The following CFAP100 variants were observed in gnomAD, a reference collection of about 807,000 sequenced individuals.
CFAP100 encodes cilia and flagella associated protein 100.
Under a neutral mutation model 81.5 loss-of-function variants are expected in CFAP100, and 70 were observed. The ratio of observed to expected loss-of-function variants is 0.86; its 90% confidence interval spans 0.71 to 1.05. The LOEUF (loss-of-function observed/expected upper bound fraction) is 1.05. Among genes scored for constraint, CFAP100 ranks in the 50% least tolerant of loss-of-function variants. CFAP100 has a pLI of 0.00. For missense variants in CFAP100, 811 were observed against 776.5 expected (o/e 1.04, Z -0.53); for synonymous variants, 341 against 314.8 (o/e 1.08, Z -0.88).
chr3:126,424,307 G>A (rs1486907393), intron 13 of CFAP100, among the ~76,000 whole-genome samples: 4 of 152,254 alleles, frequency 2.6e-5, no homozygotes. Flanking sequence ...GGCCACCCAG[G>A]ACTGGGGCCT....
At chr3:126,418,876 A>T in intron 7 of CFAP100, 102 bp downstream of exon 7, 1 of 1,386,740 alleles carries the variant, frequency 7.2e-7, no homozygotes, top group Non-Finnish European at 9.7e-7. Context: ...CAGCCCCTGC[A>T]ACTCCTCTGG....
chr3:126,426,090 T>C (rs1195717961), intron 13 of CFAP100, among the ~76,000 whole-genome samples: 1 of 152,204 alleles, frequency 6.6e-6, no homozygotes, highest in Non-Finnish European at 1.5e-5. Context: ...ATAAAATGTA[T>C]ATAGATTGGA....
intron 13 of CFAP100, among the ~76,000 whole-genome samples, chr3:126,425,267 G>A (rs751268255): frequency 6.6e-6 from 1 of 152,192 alleles, no homozygotes; most frequent in Non-Finnish European, 1.5e-5. Context: ...CCCATACTTT[G>A]TTTCCAGGGG....
chr3:126,396,645 C>A (rs1040193697), intron 2 of CFAP100: 1 of 152,576 alleles, frequency 6.6e-6, no homozygotes, highest in East Asian at 1.9e-4. Flanking sequence ...ACAGTTCAAC[C>A]CACAACAGAC....
intron 13 of CFAP100, chr3:126,432,821 TTG>T (rs773097187): frequency 4.6e-5 from 17 of 373,050 alleles, no homozygotes; most frequent in Admixed American, 2.6e-4. Context: ...GCTAATTTTA[TTG>T]TCTGTGAATT....
chr3:126,418,793 G>A lies in CFAP100; in HGVS notation c.650+19G>A, dbSNP rs1305073143. 2 of 1,559,116 alleles carry A rather than the reference G, an allele frequency of 1.3e-6. No individual in the cohort carries two copies. The highest frequency in any genetic ancestry group is 1.4e-5 in the African/African-American group (1 of 72,842). On this transcript the variant is annotated intron_variant, in intron 7 of 16. Coordinates refer to ENST00000352312, the MANE Select transcript of CFAP100 (RefSeq NM_182628.3). ...TGAGAGCGTGAGCCTGCGGGCCCGA[G>A]GGGCTGGCTGGGCAATGCCGAACCC...
rs139471287 is a variant in CFAP100 at position 126,435,475 on chromosome 3, C to T, written c.1629-84C>T. 5.2e-3 allele frequency: 5,862 copies of T among 1,127,834 alleles called. 20 individuals are homozygous for T. The highest frequency in any genetic ancestry group is 6.3e-3 in the Non-Finnish European group (4,954 of 787,294). 69.9% of individuals were successfully genotyped at this position (1,127,834 alleles called of 1,614,324 possible). A position where few individuals can be genotyped will look rare whatever the true frequency, so the allele number is the denominator to read the frequency against. On this transcript the variant is annotated intron_variant, in intron 15 of 16. Transcript: ENST00000352312. The stretch of plus-strand genomic sequence containing the variant: ...CTGGGAGTTTTCTTGAGGGAGGACA[C>T]GGCCTGGCCTGGGGACTCCGTGTGG...
chr3:126,422,273 C>G (rs1209651310), intron 11 of CFAP100, among the ~76,000 whole-genome samples: 3 of 152,236 alleles, frequency 2.0e-5, no homozygotes, highest in Non-Finnish European at 2.9e-5. Flanking sequence ...GCAGCCGGCT[C>G]TCTCATCTGT....
intron 13 of CFAP100, 28 bp downstream of exon 13, chr3:126,423,672 G>T: frequency 1.2e-6 from 2 of 1,612,092 alleles, no homozygotes; most frequent in Non-Finnish European, 1.7e-6. Context: ...GCCAGTGGGG[G>T]CTCCCTGCCG....
chr3:126,427,836 T>C (rs559551513), intron 13 of CFAP100, among the ~76,000 whole-genome samples: 1 of 152,334 alleles, frequency 6.6e-6, no homozygotes, highest in Admixed American at 6.5e-5. Context: ...TGGCAGCTGC[T>C]CAGGTTCTGG....
chr3:126,418,886 G>T, intron 7 of CFAP100, 112 bp downstream of exon 7: 1 of 1,336,766 alleles, frequency 7.5e-7, no homozygotes, highest in Non-Finnish European at 1.0e-6. Context: ...AACTCCTCTG[G>T]AAGCACCAGG....
At chr3:126,432,864 A>C (rs1933286102) in intron 13 of CFAP100, 1 of 449,294 alleles carries the variant, frequency 2.2e-6, no homozygotes, top group Admixed American at 4.0e-5. Flanking sequence ...ATTTTCTTTA[A>C]TGTTGATTGT....
intron 3 of CFAP100, among the ~76,000 whole-genome samples, chr3:126,409,138 G>T (rs761258037): frequency 6.6e-6 from 1 of 152,120 alleles, no homozygotes; most frequent in Non-Finnish European, 1.5e-5. Flanking sequence ...TCCACCCTAT[G>T]AAGATCTAGA....
chr3:126,403,646 G>A lies in CFAP100; in HGVS notation c.50-3526G>A, dbSNP rs149442350. On this transcript the variant is annotated intron_variant, in intron 2 of 16. Coordinates refer to ENST00000352312, the MANE Select transcript of CFAP100 (RefSeq NM_182628.3). ...GATCCACCTTCCTCGGCCTCCCAAAGTGCTGGGATTACAGGCGTAAACCAC... is the reference window on the plus strand; with the variant it reads ...GATCCACCTTCCTCGGCCTCCCAAAATGCTGGGATTACAGGCGTAAACCAC... Among the ~76,000 whole-genome samples, 831 of 152,172 alleles carry A rather than the reference G, an allele frequency of 5.5e-3. 8 individuals are homozygous for A. Among genetic ancestry groups the A allele is most frequent in the Middle Eastern group, 0.02 (6 of 294 alleles).
intron 9 of CFAP100, 26 bp from the exon 10 acceptor site, chr3:126,419,954 C>T (rs762452330): frequency 3.3e-5 from 53 of 1,612,690 alleles, no homozygotes; most frequent in Middle Eastern, 1.7e-4. Flanking sequence ...CTGAGGCCAT[C>T]GGGGCCCCCC....
At chr3:126,426,494 G>A (rs1051970190) in intron 13 of CFAP100, among the ~76,000 whole-genome samples, 1 of 151,272 alleles carries the variant, frequency 6.6e-6, no homozygotes, top group East Asian at 1.9e-4. Flanking sequence ...GCTCATGCCT[G>A]TAATCCCAGC....
chr3:126,429,097 C>T (rs868158714), intron 13 of CFAP100, among the ~76,000 whole-genome samples: 16 of 118,056 alleles, frequency 1.4e-4, no homozygotes, highest in Admixed American at 4.2e-4. Flanking sequence ...TGATAGAGTG[C>T]GTCTCCATCC....
rs1347547118 is a variant in CFAP100 at position 126,414,290 on chromosome 3, A to G, written c.225+111A>G. 3.7e-6 allele frequency: 3 copies of G among 813,400 alleles called. No individual in the cohort carries two copies. In the African/African-American group the frequency reaches 5.0e-5, roughly 14 times the overall value. The allele number at this position is 813,400 out of a possible 1,614,324, so 50.4% of individuals were successfully genotyped here. A position where few individuals can be genotyped will look rare whatever the true frequency, so the allele number is the denominator to read the frequency against. ...GGAGCACTTTCCTCAGGTCCTTCTC[A>G]TTCCAGAATAGTCAATAGCTCACCA... On this transcript the variant is annotated intron_variant, in intron 4 of 16. Transcript: ENST00000352312.
chr3:126,396,381 C>T (rs1355878803), intron 2 of CFAP100: 1 of 283,828 alleles, frequency 3.5e-6, no homozygotes, highest in African/African-American at 2.2e-5. Context: ...GCTTTGCAGG[C>T]AATCCTTGGT....
Sources: allele counts gnomAD v4.1 joint callset (sites outside exome capture counted in the v4.1 genomes callset), GRCh38; gene constraint gnomAD v4.1.1; transcripts MANE v1.5; gene names NCBI Gene and HGNC (gene_info 2026-07-23, HGNC 2026-07-21).